KRIT1: variants seen among roughly 807,000 people sequenced by gnomAD.
KRIT1 encodes the protein KRIT1 ankyrin repeat containing.
In KRIT1, 45 loss-of-function variants were observed where a neutral mutation model predicts 95.8. The ratio of observed to expected loss-of-function variants is 0.47; its 90% CI spans 0.37 to 0.60. The LOEUF is 0.60. Ranked by LOEUF, KRIT1 falls within the 20% of genes least tolerant of loss-of-function variation. KRIT1 has a pLI of 0.00. For synonymous variants in KRIT1, 282 were observed against 278.8 expected, an observed-to-expected ratio of 1.01 and a Z score of -0.11; for missense variants, 788 against 877.5, an observed-to-expected ratio of 0.90 and a Z score of 1.29.
chr7:92,239,838 G>A (rs1221704963), intron 5 of KRIT1, among the ~76,000 whole-genome samples: 2 of 151,560 alleles, frequency 1.3e-5, no homozygotes, highest in African/African-American at 4.9e-5. Flanking sequence ...AGCCTCCTGA[G>A]TAGCTGGGAC....
At chr7:92,235,780 T>G (rs995702596) in intron 7 of KRIT1, 134 bp from the exon 8 acceptor site, 2 of 781,920 alleles carry the variant, frequency 2.6e-6, no homozygotes, top group Non-Finnish European at 4.0e-6. Context: ...TTAGTGTTAG[T>G]TAAGTACTTT....
intron 14 of KRIT1, among the ~76,000 whole-genome samples, chr7:92,215,801 G>A (rs1793849159): frequency 6.6e-6 from 1 of 150,718 alleles, no homozygotes; most frequent in East Asian, 1.9e-4. Flanking sequence ...TATCCAATAA[G>A]ATTAATAAAG....
intron 12 of KRIT1, among the ~76,000 whole-genome samples, chr7:92,224,758 A>G (rs1360239215): frequency 5.3e-5 from 8 of 152,196 alleles, no homozygotes; most frequent in African/African-American, 1.9e-4. Flanking sequence ...TGTTATATAT[A>G]AACTAACTTG....
rs1793250269 is a variant in KRIT1, at chr7:92,213,178, AAG to A, written c.2025+15_2025+16del. ...CTATTATATGACATGATTGGTAAAA[AAG>A]AGCTGAAAATCTACCTTAGTTTCCA... On this transcript the variant is annotated intron_variant, in intron 17 of 18. Coordinates refer to ENST00000394505, the MANE Select transcript of KRIT1 (RefSeq NM_194454.3). The A allele has an allele frequency of 6.4e-7, 1 of 1,557,606 alleles. No homozygotes were observed. The highest frequency in any genetic ancestry group is 1.4e-5 in the African/African-American group (1 of 73,714).
intron 17 of KRIT1, among the ~76,000 whole-genome samples, chr7:92,203,016 T>C (rs1790555860): frequency 6.6e-6 from 1 of 152,156 alleles, no homozygotes; most frequent in Admixed American, 6.6e-5. Context: ...TAATATGGCT[T>C]CAAAACAGTT....
chr7:92,215,073 C>T (rs1034157719), intron 14 of KRIT1, among the ~76,000 whole-genome samples: 1 of 152,012 alleles, frequency 6.6e-6, no homozygotes, highest in Non-Finnish European at 1.5e-5. Context: ...TGTAGGAATA[C>T]TGAAATATGA....
rs1800867780 is a variant in KRIT1, at chr7:92,245,808, C to G, written c.-439G>C. On this transcript the variant is annotated 5_prime_UTR_variant, in exon 1 of 19. Coordinates refer to ENST00000394505, the MANE Select transcript of KRIT1 (RefSeq NM_194454.3). ...TGCCCACCTGCTCTTTACTGTCCTT[C>G]CCTCTCCTCGCACCTCAGCACCATT... The G allele has an allele frequency of 6.0e-6, 1 of 166,120 alleles. No homozygotes were observed. The highest frequency in any genetic ancestry group is 6.5e-5 in the Admixed American group (1 of 15,346). The allele number at this position is 166,120 out of a possible 1,614,324, so 10.3% of individuals were successfully genotyped here.
intron 3 of KRIT1, among the ~76,000 whole-genome samples, chr7:92,243,719 C>A (rs1800204127): frequency 6.6e-6 from 1 of 152,032 alleles, no homozygotes. Context: ...TTTACATAAA[C>A]TTTAGCCTAA....
Position 92,236,069 on chromosome 7 carries a change from CCT to C in KRIT1, c.485+342_485+343del, listed in dbSNP as rs1798387547. On this transcript the variant is annotated intron_variant, in intron 7 of 18. Coordinates refer to ENST00000394505, the MANE Select transcript of KRIT1 (RefSeq NM_194454.3). ...CTACTGAGATGTAGGTGACATTAGC[CCT>C]GTTCTTACAGAAAGACAAAGGCATA... 5 of 255,572 alleles carry C rather than the reference CCT, an allele frequency of 2.0e-5. No individual in the cohort carries two copies. In the South Asian group the frequency reaches 2.6e-4, roughly 13 times the overall value. 15.8% of individuals were successfully genotyped at this position (255,572 alleles called of 1,614,324 possible). A position where few individuals can be genotyped will look rare whatever the true frequency, so the allele number is the denominator to read the frequency against.
chr7:92,215,175 G>A (rs1338121602), intron 14 of KRIT1, among the ~76,000 whole-genome samples: 8 of 151,898 alleles, frequency 5.3e-5, no homozygotes, highest in Admixed American at 2.0e-4. Flanking sequence ...ACAAAAATTG[G>A]CAAAATATGG....
chr7:92,243,458 G>A (rs1433121441), intron 3 of KRIT1, among the ~76,000 whole-genome samples: 1 of 152,018 alleles, frequency 6.6e-6, no homozygotes, highest in East Asian at 1.9e-4. Flanking sequence ...AAACCATTAG[G>A]CATTAAAATT....
At chr7:92,226,211 A>G (rs1796178449) in intron 11 of KRIT1, among the ~76,000 whole-genome samples, 1 of 152,174 alleles carries the variant, frequency 6.6e-6, no homozygotes. Flanking sequence ...TTCTACATAC[A>G]TTCTGAAGAC....
intron 18 of KRIT1, among the ~76,000 whole-genome samples, chr7:92,201,042 A>G (rs777994913): frequency 2.0e-5 from 3 of 152,184 alleles, no homozygotes; most frequent in Non-Finnish European, 4.4e-5. Context: ...GGACTACCTA[A>G]TAACTTGATA....
rs35311859 is a variant in KRIT1 at position 92,213,382 on chromosome 7, C to T, written c.1838G>A (p.Gly613Asp). 19 of 1,609,950 alleles carry T rather than the reference C, an allele frequency of 1.2e-5. No homozygotes were observed. In the African/African-American group the frequency reaches 2.4e-4, roughly 20 times the overall value. Reference protein sequence around the residue: ...HEYKNLSTSEGVSKEMHHLQR... With the variant: ...HEYKNLSTSEDVSKEMHHLQR... Reference sequence around the variant, plus strand: ...AAGGTGATGCATTTCTTTACTGACACCTTCACTTGTACTGAGATTCTAAAA... The same window carrying T: ...AAGGTGATGCATTTCTTTACTGACATCTTCACTTGTACTGAGATTCTAAAA... The change falls in exon 17 of 19, where the codon GGT becomes GAT. Residue 613 changes from glycine (G) to aspartate (D), a missense_variant. Physicochemically the swap from Gly to Asp is moderately conservative, Grantham distance 94 (BLOSUM62 -1). Transcript: ENST00000394505.
chr7:92,204,309 C>T (rs1790878286), intron 17 of KRIT1, among the ~76,000 whole-genome samples: 1 of 151,384 alleles, frequency 6.6e-6, no homozygotes, highest in Non-Finnish European at 1.5e-5. Context: ...GCAAATGACC[C>T]AAAAGCAAGG....
At chr7:92,220,263 T>C (rs1408585626) in intron 14 of KRIT1, among the ~76,000 whole-genome samples, 1 of 152,212 alleles carries the variant, frequency 6.6e-6, no homozygotes, top group Non-Finnish European at 1.5e-5. Context: ...TCAAATGCCT[T>C]TCTGCATCAA....
At chr7:92,214,567 A>C in intron 15 of KRIT1, 44 bp downstream of exon 15, 1 of 1,440,568 alleles carries the variant, frequency 6.9e-7, no homozygotes, top group Non-Finnish European at 9.8e-7. Context: ...GTTAAACAGA[A>C]TCTTAAGCAT....
intron 10 of KRIT1, among the ~76,000 whole-genome samples, chr7:92,234,053 G>A (rs1014767265): frequency 2.0e-5 from 3 of 152,148 alleles, no homozygotes; most frequent in African/African-American, 4.8e-5. Context: ...ATAGCAAGAC[G>A]CAAGGTCAAA....
chr7:92,223,934 A>C (rs927291370), intron 12 of KRIT1, among the ~76,000 whole-genome samples: 1 of 152,238 alleles, frequency 6.6e-6, no homozygotes, highest in Non-Finnish European at 1.5e-5. Context: ...ATTCATTCAC[A>C]ATATAAAAAT....
Sources: gnomAD v4.1 joint callset for allele counts (sites outside exome capture counted in the v4.1 genomes callset) on GRCh38, gnomAD v4.1.1 for gene constraint, MANE v1.5 for transcripts, NCBI Gene and HGNC (gene_info 2026-07-23, HGNC 2026-07-21) for gene names.